Variants in HECW1 observed in about 807,000 individuals in gnomAD.
The protein encoded by HECW1 is HECT, C2 and WW domain containing E3 ubiquitin protein ligase 1.
A neutral mutation model predicts 182.3 loss-of-function variants in HECW1; 61 were observed. The ratio of observed to expected loss-of-function variants is 0.33; its 90% CI spans 0.27 to 0.41. The LOEUF (loss-of-function observed/expected upper bound fraction) is 0.41. Among genes scored for constraint, HECW1 ranks in the 10% least tolerant of loss-of-function variants. The pLI, the probability that HECW1 is intolerant of heterozygous loss-of-function variation, is 1.00. For missense variants in HECW1, 1,739 were observed against 2,108.9 expected, an observed-to-expected ratio of 0.82 and a Z score of 3.44; for synonymous variants, 859 against 832.6, an observed-to-expected ratio of 1.03 and a Z score of -0.55.
chr7:43,274,277 C>G, intron 3 of HECW1: 1 of 1,013,358 alleles, frequency 9.9e-7, no homozygotes, highest in Non-Finnish European at 1.4e-6. Flanking sequence ...CATGTCGTCG[C>G]CAAGTCCCGC....
intron 21 of HECW1, among the ~76,000 whole-genome samples, chr7:43,504,647 C>T (rs2079505447): frequency 6.6e-6 from 1 of 152,230 alleles, no homozygotes; most frequent in Non-Finnish European, 1.5e-5. Flanking sequence ...TTAGTCATCT[C>T]TCATCTCACA....
At chr7:43,545,760 T>A (rs1171612468) in intron 26 of HECW1, among the ~76,000 whole-genome samples, 5 of 151,986 alleles carry the variant, frequency 3.3e-5, no homozygotes, top group African/African-American at 1.2e-4. Context: ...ATAAAGTTTG[T>A]CTTCACTTTG....
chr7:43,488,386 GGAAGGAA>G (rs2078748736), intron 17 of HECW1, among the ~76,000 whole-genome samples: 1 of 54,626 alleles, frequency 1.8e-5, no homozygotes, highest in Admixed American at 2.4e-4. Context: ...AAGGAAGGAA[GGAAGGAA>G]GGAAGGAAAT....
chr7:43,170,560 C>T (rs549463169), intron 2 of HECW1, among the ~76,000 whole-genome samples: 22 of 152,032 alleles, frequency 1.4e-4, no homozygotes, highest in Non-Finnish European at 2.8e-4. Flanking sequence ...TGAACAGACC[C>T]GGAAGGGACA....
intron 6 of HECW1, among the ~76,000 whole-genome samples, chr7:43,393,600 G>A (rs2075122045): frequency 6.6e-6 from 1 of 152,000 alleles, no homozygotes; most frequent in Admixed American, 6.6e-5. Flanking sequence ...ATTTAGGTGG[G>A]ATTTTATGGA....
At chr7:43,512,220 C>A in intron 24 of HECW1, 1 of 222,938 alleles carries the variant, frequency 4.5e-6, no homozygotes, top group East Asian at 6.5e-5. Flanking sequence ...ACAGCCTTGA[C>A]TTTGTAAAGC....
At chr7:43,129,278 C>T (rs1382107156) in intron 2 of HECW1, among the ~76,000 whole-genome samples, 2 of 152,144 alleles carry the variant, frequency 1.3e-5, no homozygotes, top group Admixed American at 6.5e-5. Flanking sequence ...GAAATTACCA[C>T]GGTCACCCAA....
intron 11 of HECW1, among the ~76,000 whole-genome samples, chr7:43,446,848 A>G (rs2077074207): frequency 6.6e-6 from 1 of 152,242 alleles, no homozygotes; most frequent in Non-Finnish European, 1.5e-5. Context: ...TCCTGTGAGT[A>G]GAAGGGAATG....
Position 43,335,785 on chromosome 7 carries a change from T to C in HECW1, c.460+15043T>C, listed in dbSNP as rs1812061102. On this transcript the variant is annotated intron_variant, in intron 5 of 29. Coordinates refer to ENST00000395891, the MANE Select transcript of HECW1 (RefSeq NM_015052.5). ...TCTTTCTTTTTTCTTTCTTCCTTTC[T>C]TCCTTCCTTCCTTCCATCTCTTTCC... Among the ~76,000 whole-genome samples the C allele has an allele frequency of 9.5e-5, 4 of 42,016 alleles. No homozygotes were observed. The South Asian group carries it at 2.2e-3, about 23-fold the overall frequency. The allele number at this position is 42,016 out of a possible 152,430, so 27.6% of individuals were successfully genotyped here.
At chr7:43,134,275 T>C (rs1383312691) in intron 2 of HECW1, among the ~76,000 whole-genome samples, 1 of 148,274 alleles carries the variant, frequency 6.7e-6, no homozygotes, top group Non-Finnish European at 1.5e-5. Context: ...ATGCCTGTAA[T>C]CCCAGCTACT....
At chr7:43,291,856 G>T (rs1720311990) in intron 3 of HECW1, among the ~76,000 whole-genome samples, 1 of 152,182 alleles carries the variant, frequency 6.6e-6, no homozygotes, top group African/African-American at 2.4e-5. Flanking sequence ...TAGAAGTCAG[G>T]CTTAAATAAC....
intron 24 of HECW1, among the ~76,000 whole-genome samples, chr7:43,533,923 T>C (rs1471965308): frequency 1.3e-5 from 2 of 151,934 alleles, no homozygotes; most frequent in African/African-American, 2.4e-5. Context: ...CAGAAGGAGA[T>C]GAGTAGCCTG....
intron 3 of HECW1, among the ~76,000 whole-genome samples, chr7:43,296,074 G>A (rs985336919): frequency 9.2e-5 from 14 of 152,128 alleles, no homozygotes; most frequent in African/African-American, 3.1e-4. Flanking sequence ...ATATTCATGT[G>A]TTAAAATGTT....
Position 43,114,387 on chromosome 7 carries a change from T to C in HECW1, c.-36T>C, listed in dbSNP as rs954213900. ...AGCAGACTCACTCCGGCTGTGGCTA[T>C]TACGGTAATTCATTCTAGATTGGGG... On this transcript the variant is annotated 5_prime_UTR_variant, in exon 2 of 30. Coordinates refer to ENST00000395891, the MANE Select transcript of HECW1 (RefSeq NM_015052.5). 6.7e-6 allele frequency: 9 copies of C among 1,346,542 alleles called. No individual in the cohort carries two copies. The highest frequency in any genetic ancestry group is 1.5e-5 in the African/African-American group (1 of 68,336). The allele number at this position is 1,346,542 out of a possible 1,614,324, so 83.4% of individuals were successfully genotyped here. A position where few individuals can be genotyped will look rare whatever the true frequency, so the allele number is the denominator to read the frequency against.
At chr7:43,226,387 G>A (rs907396684) in intron 2 of HECW1, among the ~76,000 whole-genome samples, 1 of 152,138 alleles carries the variant, frequency 6.6e-6, no homozygotes, top group African/African-American at 2.4e-5. Flanking sequence ...CTCCCCAGTG[G>A]GGTGATGATG....
At chr7:43,291,816 A>T (rs1442284072) in intron 3 of HECW1, among the ~76,000 whole-genome samples, 1 of 152,240 alleles carries the variant, frequency 6.6e-6, no homozygotes, top group Non-Finnish European at 1.5e-5. Context: ...AGAAATGGGT[A>T]AATCTCGAGT....
intron 24 of HECW1, among the ~76,000 whole-genome samples, chr7:43,514,946 C>T (rs1206726959): frequency 1.3e-5 from 2 of 152,166 alleles, no homozygotes; most frequent in East Asian, 3.8e-4. Context: ...TATCATGGCT[C>T]TATCATCAGG....
intron 8 of HECW1, among the ~76,000 whole-genome samples, chr7:43,417,310 A>G (rs1015982789): frequency 3.3e-5 from 5 of 152,074 alleles, no homozygotes. Context: ...TTGATTTCCC[A>G]AAGTGCTGAG....
chr7:43,447,508 T>A (rs1400322483), intron 11 of HECW1, among the ~76,000 whole-genome samples: 1 of 152,168 alleles, frequency 6.6e-6, no homozygotes, highest in Non-Finnish European at 1.5e-5. Flanking sequence ...AGCACCTACA[T>A]GCTTCACTAT....
Sources: gnomAD v4.1 joint callset for allele counts (sites outside exome capture counted in the v4.1 genomes callset) on GRCh38, gnomAD v4.1.1 for gene constraint, MANE v1.5 for transcripts, NCBI Gene and HGNC (gene_info 2026-07-23, HGNC 2026-07-21) for gene names.